GALNTL6: variants seen among roughly 807,000 people sequenced by gnomAD.
GALNTL6 encodes polypeptide N-acetylgalactosaminyltransferase-like 6.
A neutral mutation model predicts 73.7 loss-of-function variants in GALNTL6; 46 were observed. That is an observed-to-expected ratio of 0.62 (90% CI 0.49 to 0.80). GALNTL6 has a LOEUF of 0.80. GALNTL6 is among the 30% of genes least tolerant of loss of function. The probability of loss-of-function intolerance (pLI) is 0.00; values close to 1 mark genes in which losing one functional copy is unlikely to be tolerated. For missense variants in GALNTL6, 604 were observed against 755.0 expected (o/e 0.80, Z 2.34); for synonymous variants, 259 against 263.7 (o/e 0.98, Z 0.17).
chr4:172,601,560 C>T (rs746368842), intron 5 of GALNTL6, among the ~76,000 whole-genome samples: 5 of 152,190 alleles, frequency 3.3e-5, no homozygotes, highest in Admixed American at 6.6e-5. Context: ...TTTCTGCTTT[C>T]TCACAGTGGT....
chr4:172,266,741 G>T (rs1738466104), intron 3 of GALNTL6, among the ~76,000 whole-genome samples: 1 of 151,798 alleles, frequency 6.6e-6, no homozygotes, highest in East Asian at 1.9e-4. Context: ...CATTTTTATG[G>T]CATTTTGAGA....
intron 5 of GALNTL6, among the ~76,000 whole-genome samples, chr4:172,488,238 T>C (rs1369036691): frequency 1.1e-4 from 16 of 152,208 alleles, no homozygotes; most frequent in Non-Finnish European, 1.5e-5. Flanking sequence ...AAGACTAGTG[T>C]GTTTCTGATT....
intron 8 of GALNTL6, among the ~76,000 whole-genome samples, chr4:172,891,486 T>C (rs1746027488): frequency 1.3e-5 from 2 of 152,216 alleles, no homozygotes; most frequent in Non-Finnish European, 2.9e-5. Flanking sequence ...GCCTCCAATC[T>C]CTGACTTATA....
Position 172,977,293 on chromosome 4 carries a change from T to C in GALNTL6, c.1371+25035T>C, listed in dbSNP as rs142088862. Among the ~76,000 whole-genome samples the C allele has an allele frequency of 3.5e-3, 532 of 152,328 alleles. 2 individuals carry two copies. The highest frequency in any genetic ancestry group is 0.012 in the African/African-American group (509 of 41,576). On this transcript the variant is annotated intron_variant, in intron 10 of 12. Transcript: ENST00000506823. ...ACAGCCCTTCCATTGAAGCTAGGAA[T>C]ATTTGAGTCAGTGGTTATCCTGAGT...
intron 2 of GALNTL6, among the ~76,000 whole-genome samples, chr4:172,200,231 A>G (rs1484454923): frequency 6.6e-6 from 1 of 152,192 alleles, no homozygotes; most frequent in African/African-American, 2.4e-5. Context: ...AAGTGTTCCA[A>G]TGGACATAAC....
chr4:173,022,596 T>C (rs1753062272), intron 12 of GALNTL6, among the ~76,000 whole-genome samples: 1 of 152,210 alleles, frequency 6.6e-6, no homozygotes, highest in African/African-American at 2.4e-5. Context: ...ACAATGATGT[T>C]TACACAAATA....
intron 2 of GALNTL6, among the ~76,000 whole-genome samples, chr4:171,929,177 C>A (rs1313964957): frequency 6.6e-6 from 1 of 152,092 alleles, no homozygotes; most frequent in Non-Finnish European, 1.5e-5. Context: ...AGCCATCCTC[C>A]CATCTCAACC....
At chr4:172,384,394 G>A (rs950912882) in intron 5 of GALNTL6, among the ~76,000 whole-genome samples, 7 of 152,126 alleles carry the variant, frequency 4.6e-5, no homozygotes, top group Admixed American at 4.6e-4. Flanking sequence ...TGGGACCACA[G>A]TAGTTCATAG....
At chr4:172,275,029 G>C (rs1738779429) in intron 3 of GALNTL6, among the ~76,000 whole-genome samples, 2 of 152,106 alleles carry the variant, frequency 1.3e-5, no homozygotes, top group South Asian at 4.1e-4. Flanking sequence ...ATTTCTTCCT[G>C]GAAGGTGTGC....
chr4:171,959,019 A>C (rs1560859469), intron 2 of GALNTL6, among the ~76,000 whole-genome samples: 1 of 152,172 alleles, frequency 6.6e-6, no homozygotes, highest in Non-Finnish European at 1.5e-5. Context: ...AATATTGTAA[A>C]ACATGCTTTA....
At chr4:172,279,709 A>G (rs1439218968) in intron 3 of GALNTL6, among the ~76,000 whole-genome samples, 1 of 152,174 alleles carries the variant, frequency 6.6e-6, no homozygotes, top group East Asian at 1.9e-4. Flanking sequence ...TATATAACCT[A>G]ACAATTCCAC....
At chr4:172,190,950 C>T (rs747812303) in intron 2 of GALNTL6, among the ~76,000 whole-genome samples, 2 of 152,168 alleles carry the variant, frequency 1.3e-5, no homozygotes, top group Admixed American at 6.5e-5. Flanking sequence ...TTGTCTTCCT[C>T]GTGATTTTTT....
intron 2 of GALNTL6, among the ~76,000 whole-genome samples, chr4:172,058,095 G>A (rs983209918): frequency 7.3e-6 from 1 of 136,774 alleles, no homozygotes; most frequent in Non-Finnish European, 1.6e-5. Context: ...TGTACAATCT[G>A]TCACCCAGGC....
chr4:172,967,220 C>T (rs759758256), intron 10 of GALNTL6, among the ~76,000 whole-genome samples: 2 of 152,194 alleles, frequency 1.3e-5, no homozygotes, highest in Non-Finnish European at 2.9e-5. Flanking sequence ...CTTACATTTT[C>T]CCTTAGACCT....
chr4:172,908,815 G>GA (rs957487523), intron 8 of GALNTL6, among the ~76,000 whole-genome samples: 1 of 151,308 alleles, frequency 6.6e-6, no homozygotes, highest in African/African-American at 2.4e-5. Flanking sequence ...AAAAAGACTT[G>GA]AAAAAAATAA....
chr4:172,435,043 G>GTAA (rs1258872779), intron 5 of GALNTL6, among the ~76,000 whole-genome samples: 142 of 152,174 alleles, frequency 9.3e-4, no homozygotes, highest in African/African-American at 2.9e-3. Context: ...AGTAAAAGGA[G>GTAA]AATGGCATTT....
chr4:172,830,153 A>G (rs952651855), intron 7 of GALNTL6, among the ~76,000 whole-genome samples: 1 of 152,232 alleles, frequency 6.6e-6, no homozygotes, highest in African/African-American at 2.4e-5. Context: ...AAATAGATAA[A>G]GAGAATTTTT....
At chr4:172,439,707 T>G (rs1731760856) in intron 5 of GALNTL6, among the ~76,000 whole-genome samples, 1 of 152,056 alleles carries the variant, frequency 6.6e-6, no homozygotes, top group Non-Finnish European at 1.5e-5. Flanking sequence ...TTTCTAATAT[T>G]TATACACATT....
At chr4:171,862,120 T>C (rs1304987771) in intron 2 of GALNTL6, among the ~76,000 whole-genome samples, 1 of 152,146 alleles carries the variant, frequency 6.6e-6, no homozygotes, top group Non-Finnish European at 1.5e-5. Flanking sequence ...CCTAGATTTT[T>C]CCATTGCAAT....
Sources: gnomAD v4.1 joint callset for allele counts (sites outside exome capture counted in the v4.1 genomes callset) on GRCh38, gnomAD v4.1.1 for gene constraint, MANE v1.5 for transcripts, NCBI Gene and HGNC (gene_info 2026-07-23, HGNC 2026-07-21) for gene names.